TMEM132D: variants seen among roughly 807,000 people sequenced by gnomAD.
TMEM132D encodes transmembrane protein 132D, also known as mature OL transmembrane protein.
Under a neutral mutation model 62.3 loss-of-function variants are expected in TMEM132D, and 21 were observed. The observed-to-expected ratio is 0.34, with a 90% CI of 0.24 to 0.49. TMEM132D has a LOEUF of 0.49. Among genes scored for constraint, TMEM132D ranks in the 20% least tolerant of loss-of-function variants. The probability of loss-of-function intolerance (pLI) is 0.99; values close to 1 mark genes in which losing one functional copy is unlikely to be tolerated. For synonymous variants in TMEM132D, 621 were observed against 575.6 expected (o/e 1.08, Z -1.13); for missense variants, 1,346 against 1,402.8 (o/e 0.96, Z 0.65).
chr12:129,230,925 C>T (rs1879620674), intron 4 of TMEM132D, among the ~76,000 whole-genome samples: 1 of 152,226 alleles, frequency 6.6e-6, no homozygotes, highest in South Asian at 2.1e-4. Flanking sequence ...CAATGTACTG[C>T]AAACCTGCCA....
intron 3 of TMEM132D, among the ~76,000 whole-genome samples, chr12:129,401,321 C>A (rs1484692193): frequency 3.3e-5 from 5 of 152,188 alleles, no homozygotes; most frequent in African/African-American, 1.2e-4. Flanking sequence ...AATCCCAACA[C>A]ATGAAGAGGC....
intron 5 of TMEM132D, among the ~76,000 whole-genome samples, chr12:129,192,963 G>A (rs1287458087): frequency 2.0e-5 from 3 of 152,102 alleles, no homozygotes; most frequent in African/African-American, 7.2e-5. Context: ...GAGGTCAGGA[G>A]ATCGAGACCA....
chr12:129,523,893 T>C (rs974268046), intron 3 of TMEM132D, among the ~76,000 whole-genome samples: 1 of 152,204 alleles, frequency 6.6e-6, no homozygotes, highest in Non-Finnish European at 1.5e-5. Context: ...GGAGGCAATG[T>C]AGATAAGCTT....
At chr12:129,285,863 C>T (rs528257714) in intron 4 of TMEM132D, among the ~76,000 whole-genome samples, 25 of 152,280 alleles carry the variant, frequency 1.6e-4, no homozygotes, top group Non-Finnish European at 3.1e-4. Context: ...CAGTCCATCA[C>T]GACCTGTTGT....
intron 3 of TMEM132D, among the ~76,000 whole-genome samples, chr12:129,438,089 T>C (rs750947635): frequency 6.6e-6 from 1 of 152,186 alleles, no homozygotes; most frequent in Admixed American, 6.5e-5. Context: ...TATGGCTGCA[T>C]AGTATTCCAT....
intron 2 of TMEM132D, among the ~76,000 whole-genome samples, chr12:129,592,402 T>C (rs1006678978): frequency 7.2e-5 from 11 of 152,228 alleles, no homozygotes; most frequent in Non-Finnish European, 8.8e-5. Flanking sequence ...TTATTTTTAT[T>C]TTTGAAATCT....
chr12:129,265,146 T>A (rs1283726788), intron 4 of TMEM132D, among the ~76,000 whole-genome samples: 2 of 152,142 alleles, frequency 1.3e-5, no homozygotes, highest in Non-Finnish European at 1.5e-5. Context: ...GCCAGGTGGG[T>A]CACACACTCA....
chr12:129,875,468 C>T lies in TMEM132D; in HGVS notation c.79+27793G>A, dbSNP rs766923888. ...TGGTAAGGGCCCGGCTCTGCGTTGC[C>T]GACGTCCGACTGCTTGTGGTATTCT... On this transcript the variant is annotated intron_variant, in intron 1 of 8. Transcript: ENST00000422113. Among the ~76,000 whole-genome samples, 131 of 152,286 alleles carry T rather than the reference C, an allele frequency of 8.6e-4. 2 individuals carry two copies. Among genetic ancestry groups the T allele is most frequent in the Non-Finnish European group, 4.4e-4 (30 of 68,038 alleles).
In TMEM132D at chr12:129,867,231, G is replaced by A. The variant is rs542950379; in HGVS notation, c.79+36030C>T. On this transcript the variant is annotated intron_variant, in intron 1 of 8. Coordinates refer to ENST00000422113, the MANE Select transcript of TMEM132D (RefSeq NM_133448.3). The surrounding 1 kb of genome is among the most constrained non-coding windows in gnomAD (Gnocchi z 4.5). ...GCTAAGATCATGCCACTGCACTCCA[G>A]CCTGGGTGACAGAGCCAGACTCTGT... Among the ~76,000 whole-genome samples, 160 of 152,236 alleles carry A rather than the reference G, an allele frequency of 1.1e-3. No individual in the cohort carries two copies. Among genetic ancestry groups the A allele is most frequent in the African/African-American group, 3.5e-3 (146 of 41,548 alleles).
chr12:129,411,865 C>T lies in TMEM132D; in HGVS notation c.1116-74048G>A, dbSNP rs1332884140. ...ATGTTCTCACTCCCATTGTTTTCAT[C>T]GTGTTATCTTCATTGCTTTCTTCCT... On this transcript the variant is annotated intron_variant, in intron 3 of 8. Coordinates refer to ENST00000422113, the MANE Select transcript of TMEM132D (RefSeq NM_133448.3). Among the ~76,000 whole-genome samples, 5 of 152,280 alleles carry T rather than the reference C, an allele frequency of 3.3e-5. No individual in the cohort carries two copies. The East Asian group carries it at 9.7e-4, about 29-fold the overall frequency.
At chr12:129,348,816 T>C (rs1869773426) in intron 3 of TMEM132D, among the ~76,000 whole-genome samples, 1 of 152,174 alleles carries the variant, frequency 6.6e-6, no homozygotes, top group Non-Finnish European at 1.5e-5. Flanking sequence ...ATGGCCGAAA[T>C]AGCCAGGCAA....
At position 129,432,708 on chromosome 12, in the gene TMEM132D, T is replaced by C. The variant is rs371159933; in HGVS notation, c.1116-94891A>G. On this transcript the variant is annotated intron_variant, in intron 3 of 8. Transcript: ENST00000422113. ...AAAATACTCAAGTCTCAATTACCCATAGCCCAGGTAAAAGAAATGTGTGTT... is the reference window on the plus strand; with the variant it reads ...AAAATACTCAAGTCTCAATTACCCACAGCCCAGGTAAAAGAAATGTGTGTT... Among the ~76,000 whole-genome samples, 79 of 152,366 alleles carry C rather than the reference T, an allele frequency of 5.2e-4. 1 individual carries two copies. The South Asian group carries it at 0.016, about 30-fold the overall frequency.
chr12:129,302,560 T>C (rs916987764), intron 4 of TMEM132D, among the ~76,000 whole-genome samples: 2 of 152,202 alleles, frequency 1.3e-5, no homozygotes, highest in Admixed American at 1.3e-4. Flanking sequence ...CTGGAGTCTG[T>C]GGGTCAGCTG....
chr12:129,717,258 G>A (rs915787867), intron 1 of TMEM132D, among the ~76,000 whole-genome samples: 9 of 152,170 alleles, frequency 5.9e-5, no homozygotes, highest in African/African-American at 2.2e-4. Context: ...AAAAAGAAGG[G>A]TGTGTTCTGC....
At chr12:129,688,243 G>C (rs995230101) in intron 2 of TMEM132D, among the ~76,000 whole-genome samples, 7 of 152,164 alleles carry the variant, frequency 4.6e-5, no homozygotes, top group African/African-American at 1.4e-4. Flanking sequence ...AGAGAGAGAA[G>C]TTTAAATAGT....
At chr12:129,430,763 G>A (rs766318527) in intron 3 of TMEM132D, among the ~76,000 whole-genome samples, 2 of 152,204 alleles carry the variant, frequency 1.3e-5, no homozygotes, top group Non-Finnish European at 2.9e-5. Context: ...CCTTCCCTGC[G>A]CCTCAGACTT....
At chr12:129,247,425 C>G (rs796651079) in intron 4 of TMEM132D, among the ~76,000 whole-genome samples, 1 of 152,084 alleles carries the variant, frequency 6.6e-6, no homozygotes, top group African/African-American at 2.4e-5. Flanking sequence ...GTCTATCTAC[C>G]GTGGGAAATG....
rs75928581 is a variant in TMEM132D, at chr12:129,501,049, C to G, written c.1115+30010G>C. 9.1e-3 allele frequency among the ~76,000 whole-genome samples: 1,384 copies of G among 152,304 alleles called. 18 individuals carry two copies. The highest frequency in any genetic ancestry group is 0.031 in the African/African-American group (1,291 of 41,548). On this transcript the variant is annotated intron_variant, in intron 3 of 8. Transcript: ENST00000422113. Reference sequence around the variant, plus strand: ...AGGATAAAGTTTGAGCACCTTTTGTCTACGATACCATACATAAAGAACAGA... The same window carrying G: ...AGGATAAAGTTTGAGCACCTTTTGTGTACGATACCATACATAAAGAACAGA...
chr12:129,756,027 A>G (rs1870157751), intron 1 of TMEM132D, among the ~76,000 whole-genome samples: 1 of 152,180 alleles, frequency 6.6e-6, no homozygotes. Flanking sequence ...CAGGATAATG[A>G]GGTGGACAAA....
Sources: allele counts gnomAD v4.1 joint callset (sites outside exome capture counted in the v4.1 genomes callset), GRCh38; gene constraint gnomAD v4.1.1; non-coding constraint Gnocchi (gnomAD v3.1); transcripts MANE v1.5; gene names NCBI Gene and HGNC (gene_info 2026-07-23, HGNC 2026-07-21).